The following ANO10 variants were observed in gnomAD, a reference collection of about 807,000 sequenced individuals.
ANO10 encodes anoctamin-10.
In ANO10, 77 loss-of-function variants were observed where a neutral mutation model predicts 74.7. That is an observed-to-expected ratio of 1.03 (90% CI 0.86 to 1.25). The LOEUF (loss-of-function observed/expected upper bound fraction) is 1.25, where lower values mean the gene tolerates loss of function less well. Ranked by LOEUF, ANO10 falls within the 50% of genes most tolerant of loss-of-function variation. ANO10 has a pLI of 0.00. For missense variants in ANO10, 721 were observed against 778.1 expected, an observed-to-expected ratio of 0.93 and a Z score of 0.87; for synonymous variants, 279 against 284.9, an observed-to-expected ratio of 0.98 and a Z score of 0.21.
At chr3:43,388,548 A>G (rs1280965668) in intron 12 of ANO10, among the ~76,000 whole-genome samples, 1 of 152,196 alleles carries the variant, frequency 6.6e-6, no homozygotes, top group Non-Finnish European at 1.5e-5. Flanking sequence ...TCTCTATGCA[A>G]TATCATAGGC....
chr3:43,587,202 A>G (rs1416287448), intron 4 of ANO10, among the ~76,000 whole-genome samples: 2 of 152,202 alleles, frequency 1.3e-5, no homozygotes, highest in Non-Finnish European at 2.9e-5. Flanking sequence ...ACTTCCTGAT[A>G]CCTCCTAAAA....
At chr3:43,497,368 T>C (rs911970869) in intron 11 of ANO10, among the ~76,000 whole-genome samples, 7 of 152,206 alleles carry the variant, frequency 4.6e-5, no homozygotes, top group African/African-American at 1.7e-4. Flanking sequence ...AAGTATCCCC[T>C]AGTCACATAA....
chr3:43,540,449 T>G (rs1051228236), intron 11 of ANO10, among the ~76,000 whole-genome samples: 1 of 152,236 alleles, frequency 6.6e-6, no homozygotes, highest in Non-Finnish European at 1.5e-5. Flanking sequence ...TTCCCTAATC[T>G]TTTATAATTG....
intron 11 of ANO10, among the ~76,000 whole-genome samples, chr3:43,542,081 T>G (rs2149281047): frequency 6.6e-6 from 1 of 152,242 alleles, no homozygotes; most frequent in East Asian, 1.9e-4. Flanking sequence ...AGGCTTTCCT[T>G]CTGTAAAAAA....
At chr3:43,614,039 T>C (rs904957022) in intron 1 of ANO10, among the ~76,000 whole-genome samples, 1 of 152,120 alleles carries the variant, frequency 6.6e-6, no homozygotes. Flanking sequence ...ATCTTGGATA[T>C]GGGAAGAATA....
At chr3:43,560,512 T>G (rs1265341714) in intron 9 of ANO10, among the ~76,000 whole-genome samples, 3 of 152,136 alleles carry the variant, frequency 2.0e-5, no homozygotes, top group African/African-American at 7.2e-5. Flanking sequence ...AATGACCCAC[T>G]GAAGGATCTA....
intron 1 of ANO10, among the ~76,000 whole-genome samples, chr3:43,640,089 T>C (rs2149563197): frequency 6.6e-6 from 1 of 152,326 alleles, no homozygotes; most frequent in East Asian, 1.9e-4. Context: ...CATTCCAAAA[T>C]GAACCACTCT....
At chr3:43,370,735 C>T (rs1030704145) in intron 12 of ANO10, among the ~76,000 whole-genome samples, 1 of 152,208 alleles carries the variant, frequency 6.6e-6, no homozygotes, top group African/African-American at 2.4e-5. Flanking sequence ...TTAAAACACC[C>T]ATGCTCCAAA....
chr3:43,511,458 C>T (rs11706130), intron 11 of ANO10, among the ~76,000 whole-genome samples: 33,779 of 152,098 alleles, frequency 0.22, 4,291 homozygotes, highest in Middle Eastern at 0.36. Flanking sequence ...CGTCTAACAT[C>T]CCATCCCTAT....
chr3:43,587,355 T>A (rs3772170), intron 4 of ANO10, among the ~76,000 whole-genome samples: 15,493 of 152,112 alleles, frequency 0.1, 1,463 homozygotes, highest in Admixed American at 0.27. Flanking sequence ...CAGTCTAGAA[T>A]GGTGCAGGAA....
At chr3:43,393,279 C>T (rs905762509) in intron 12 of ANO10, among the ~76,000 whole-genome samples, 1 of 152,216 alleles carries the variant, frequency 6.6e-6, no homozygotes, top group African/African-American at 2.4e-5. Flanking sequence ...CACAGCCATT[C>T]ACCCCAGAGC....
At chr3:43,580,648 TTC>T (rs2081225878) in intron 4 of ANO10, among the ~76,000 whole-genome samples, 176 bp from the exon 5 acceptor site, 2 of 152,218 alleles carry the variant, frequency 1.3e-5, no homozygotes, top group African/African-American at 4.8e-5. Flanking sequence ...ATCTTTACTA[TTC>T]TCTTTGACTA....
intron 4 of ANO10, among the ~76,000 whole-genome samples, chr3:43,596,647 A>C (rs1003838702): frequency 6.6e-6 from 1 of 152,206 alleles, no homozygotes; most frequent in Non-Finnish European, 1.5e-5. Context: ...CAGACCGAAA[A>C]CCATTAAAAA....
chr3:43,657,882 A>G (rs1406377371), intron 1 of ANO10, among the ~76,000 whole-genome samples: 2 of 152,154 alleles, frequency 1.3e-5, no homozygotes, highest in Admixed American at 1.3e-4. Context: ...GTTTTTATTT[A>G]TTGTGTGGAA....
At chr3:43,439,854 C>T (rs1457056732) in intron 11 of ANO10, among the ~76,000 whole-genome samples, 4 of 152,024 alleles carry the variant, frequency 2.6e-5, no homozygotes, top group African/African-American at 9.7e-5. Flanking sequence ...TCCATTCCAG[C>T]CTGAGTGACA....
chr3:43,438,564 G>A (rs2093110389), intron 11 of ANO10, among the ~76,000 whole-genome samples: 1 of 151,996 alleles, frequency 6.6e-6, no homozygotes, highest in South Asian at 2.1e-4. Flanking sequence ...GACCAACATG[G>A]TGAAACCCCG....
chr3:43,528,922 G>A (rs1211980405), intron 11 of ANO10, among the ~76,000 whole-genome samples: 1 of 151,748 alleles, frequency 6.6e-6, no homozygotes, highest in Non-Finnish European at 1.5e-5. Flanking sequence ...CTGCATCACT[G>A]TACTCCAGCC....
intron 1 of ANO10, among the ~76,000 whole-genome samples, chr3:43,649,056 C>T (rs538743060): frequency 2.6e-5 from 4 of 152,262 alleles, no homozygotes; most frequent in African/African-American, 9.6e-5. Flanking sequence ...CCTATCTCAT[C>T]CTGTGATTTA....
chr3:43,527,399 T>C (rs1007205240), intron 11 of ANO10, among the ~76,000 whole-genome samples: 1 of 152,142 alleles, frequency 6.6e-6, no homozygotes, highest in Non-Finnish European at 1.5e-5. Flanking sequence ...TGAAGTACTC[T>C]TTAGTTCATA....
Sources: allele counts gnomAD v4.1 joint callset (sites outside exome capture counted in the v4.1 genomes callset), GRCh38; gene constraint gnomAD v4.1.1; transcripts MANE v1.5; gene names NCBI Gene and HGNC (gene_info 2026-07-23, HGNC 2026-07-21).